Variants in DISC1 observed in about 807,000 individuals in gnomAD.
DISC1 encodes the protein disrupted in schizophrenia 1 protein.
In DISC1, 57 loss-of-function variants were observed where a neutral mutation model predicts 84.5. The observed-to-expected ratio is 0.67, with a 90% CI of 0.55 to 0.84. The LOEUF (loss-of-function observed/expected upper bound fraction) is 0.84. Ranked by LOEUF, DISC1 falls within the 40% of genes least tolerant of loss-of-function variation. DISC1 has a pLI of 0.00. For missense variants in DISC1, 1,000 were observed against 1,057.8 expected, an observed-to-expected ratio of 0.95 and a Z score of 0.76; for synonymous variants, 411 against 415.2, an observed-to-expected ratio of 0.99 and a Z score of 0.12.
chr1:231,799,603 G>A (rs1471296520), intron 7 of DISC1, among the ~76,000 whole-genome samples: 1 of 151,808 alleles, frequency 6.6e-6, no homozygotes, highest in Non-Finnish European at 1.5e-5. Flanking sequence ...AGTCTGGAAG[G>A]GTATGAGTGA....
intron 9 of DISC1, among the ~76,000 whole-genome samples, chr1:231,933,685 A>G (rs200356772): frequency 6.6e-6 from 1 of 151,976 alleles, no homozygotes; most frequent in Non-Finnish European, 1.5e-5. Flanking sequence ...AAATTTTCCA[A>G]CCTCCTTTTA....
intron 12 of DISC1, among the ~76,000 whole-genome samples, chr1:232,033,555 C>T (rs970873142): frequency 1.3e-5 from 2 of 152,188 alleles, no homozygotes; most frequent in Non-Finnish European, 2.9e-5. Context: ...ACCAACATGG[C>T]GCCTGTTTAC....
intron 3 of DISC1, among the ~76,000 whole-genome samples, chr1:231,717,256 A>G (rs566178312): frequency 6.6e-6 from 1 of 152,366 alleles, no homozygotes; most frequent in South Asian, 2.1e-4. Context: ...CCTTTATGGT[A>G]TATAAATATT....
At chr1:231,853,311 A>G (rs1274383926) in intron 9 of DISC1, among the ~76,000 whole-genome samples, 1 of 152,206 alleles carries the variant, frequency 6.6e-6, no homozygotes, top group African/African-American at 2.4e-5. Context: ...CAATTTTGCC[A>G]TTGTGTGAAC....
At position 232,037,746 on chromosome 1, in the gene DISC1, ATACTCAGTAACAGTGTAG is replaced by A. The variant is rs1382489693; in HGVS notation, c.*931_*948del. Reference sequence around the variant, plus strand: ...GTGCAGTGCTCAGTAAGGCAGTGCAATACTCAGTAACAGTGTAGTACTCAGTAACAGTGAAGTACTCAG... The same window carrying A: ...GTGCAGTGCTCAGTAAGGCAGTGCAATACTCAGTAACAGTGAAGTACTCAG... On this transcript the variant is annotated 3_prime_UTR_variant, in exon 13 of 13. Transcript: ENST00000439617. 6 of 147,982 alleles carry A rather than the reference ATACTCAGTAACAGTGTAG, an allele frequency of 4.1e-5. No homozygotes were observed. In the East Asian group the frequency reaches 6.2e-4, roughly 15 times the overall value. The allele number at this position is 147,982 out of a possible 1,614,324, so 9.2% of individuals were successfully genotyped here.
intron 4 of DISC1, among the ~76,000 whole-genome samples, chr1:231,761,281 T>C (rs1331566287): frequency 6.6e-6 from 1 of 152,340 alleles, no homozygotes; most frequent in East Asian, 1.9e-4. Context: ...TGCATACTGA[T>C]TAGTTTATAG....
intron 9 of DISC1, among the ~76,000 whole-genome samples, chr1:231,956,968 C>T (rs755156509): frequency 1.3e-5 from 2 of 152,200 alleles, no homozygotes; most frequent in Non-Finnish European, 2.9e-5. Flanking sequence ...TATAGAATCC[C>T]TTCCATCATA....
At chr1:231,766,305 A>C in intron 4 of DISC1, among the ~76,000 whole-genome samples, 1 of 150,446 alleles carries the variant, frequency 6.6e-6, no homozygotes, top group African/African-American at 2.4e-5. Flanking sequence ...AAAAAAAAAA[A>C]AACAAAATTA....
intron 1 of DISC1, 78 bp from the exon 2 acceptor site, chr1:231,693,748 G>A (rs2065315469): frequency 6.2e-7 from 1 of 1,605,118 alleles, no homozygotes; most frequent in Non-Finnish European, 8.5e-7. Context: ...TTAAACCTAG[G>A]GATGTTCTCC....
chr1:231,901,676 T>A (rs2088189895), intron 9 of DISC1, among the ~76,000 whole-genome samples: 1 of 152,226 alleles, frequency 6.6e-6, no homozygotes, highest in Admixed American at 6.5e-5. Context: ...GATGCCATCA[T>A]CTTCTGATCC....
chr1:231,632,307 T>C (rs1485182533), intron 1 of DISC1, among the ~76,000 whole-genome samples: 1 of 152,228 alleles, frequency 6.6e-6, no homozygotes, highest in Non-Finnish European at 1.5e-5. Context: ...ATTTTTCTCA[T>C]GTCAACTTCA....
intron 10 of DISC1, among the ~76,000 whole-genome samples, chr1:231,991,779 C>G (rs1156256993): frequency 2.0e-5 from 3 of 152,012 alleles, no homozygotes; most frequent in African/African-American, 7.2e-5. Context: ...AGGAAAAGCC[C>G]CTTTGCTGTC....
At chr1:231,640,321 TA>T (rs2059530217) in intron 1 of DISC1, among the ~76,000 whole-genome samples, 2 of 152,152 alleles carry the variant, frequency 1.3e-5, no homozygotes, top group Non-Finnish European at 2.9e-5. Context: ...TAGCGCTGCA[TA>T]ATGGAAGAAC....
chr1:231,767,802 C>G (rs2076275532), intron 5 of DISC1, among the ~76,000 whole-genome samples: 1 of 152,220 alleles, frequency 6.6e-6, no homozygotes, highest in South Asian at 2.1e-4. Context: ...TCCTCATTAC[C>G]TTTTGAATAT....
chr1:231,691,658 C>T (rs200968281), intron 1 of DISC1, among the ~76,000 whole-genome samples: 6 of 152,342 alleles, frequency 3.9e-5, no homozygotes, highest in East Asian at 3.9e-4. Context: ...TTTCAAGATA[C>T]GAAATTGTTG....
chr1:231,800,344 A>G (rs1044064283), intron 8 of DISC1, 134 bp downstream of exon 8: 55 of 767,678 alleles, frequency 7.2e-5, no homozygotes, highest in Non-Finnish European at 7.9e-5. Context: ...TTTTCTGGGA[A>G]GTTTCACTAA....
chr1:232,035,679 T>C (rs1670450988), intron 12 of DISC1, among the ~76,000 whole-genome samples: 1 of 152,206 alleles, frequency 6.6e-6, no homozygotes, highest in Non-Finnish European at 1.5e-5. Context: ...TGTCAACATA[T>C]TTCTACTTTC....
In DISC1 at chr1:231,715,442, G is replaced by A. The variant is rs924180614; in HGVS notation, c.1117+13418G>A. On this transcript the variant is annotated intron_variant, in intron 3 of 12. Transcript: ENST00000439617. The stretch of plus-strand genomic sequence containing the variant: ...AAAACCTGGTCTTACATGTTAGCTT[G>A]AAGGTGCCTCTTGCAACAGATTTTC... Among the ~76,000 whole-genome samples the A allele has an allele frequency of 2.7e-4, 41 of 152,216 alleles. 1 individual carries two copies. The highest frequency in any genetic ancestry group is 2.6e-3 in the Admixed American group (40 of 15,284).
intron 8 of DISC1, 24 bp from the exon 9 acceptor site, chr1:231,818,305 C>A: frequency 6.2e-7 from 1 of 1,612,240 alleles, no homozygotes; most frequent in Non-Finnish European, 8.5e-7. Flanking sequence ...GTTTTCCCTT[C>A]TTCTCTCCCA....
Sources: allele counts gnomAD v4.1 joint callset (sites outside exome capture counted in the v4.1 genomes callset), GRCh38; gene constraint gnomAD v4.1.1; transcripts MANE v1.5; gene names NCBI Gene and HGNC (gene_info 2026-07-23, HGNC 2026-07-21).